SRP72: variants seen among roughly 807,000 people sequenced by gnomAD.
The protein encoded by SRP72 is signal recognition particle 72, also known as signal recognition particle subunit SRP72.
SRP72 carries 49 observed loss-of-function variants against 96.3 expected under a neutral mutation model. The ratio of observed to expected loss-of-function variants is 0.51; its 90% confidence interval spans 0.40 to 0.65. The LOEUF is 0.65. SRP72 is among the 30% of genes least tolerant of loss of function. The pLI, the probability that SRP72 is intolerant of heterozygous loss-of-function variation, is 0.00. For missense variants in SRP72, 736 were observed against 793.3 expected, an observed-to-expected ratio of 0.93 and a Z score of 0.87; for synonymous variants, 267 against 275.2, an observed-to-expected ratio of 0.97 and a Z score of 0.30.
At position 56,471,843 on chromosome 4, in the gene SRP72, G is replaced by T; in HGVS notation, c.354G>T (p.Val118=). 1 of 1,613,534 alleles carries T rather than the reference G, an allele frequency of 6.2e-7. No homozygotes were observed. The highest frequency in any genetic ancestry group is 2.2e-5 in the East Asian group (1 of 44,822). The change falls in exon 3 of 19, where the codon GTG becomes GTT. Residue 118 remains valine (V), a splice_region_variant and synonymous_variant. Transcript: ENST00000642900. ...AACTGAAGGAGCTTTATGGACAAGT[G>T]GTAATTACTGCTTTTAAATACATGT... The part of the protein sequence containing the change: ...TDKLKELYGQ[V]LYRLERYDEC...
chr4:56,485,190 ATC>A (rs1720657559), intron 10 of SRP72, among the ~76,000 whole-genome samples: 1 of 152,094 alleles, frequency 6.6e-6, no homozygotes, highest in African/African-American at 2.4e-5. Flanking sequence ...CAATAATCTG[ATC>A]TCCAGTGAGT....
Position 56,491,530 on chromosome 4 carries a change from TGGAAAA to T in SRP72, c.1604_1609del (p.Gly535_Lys536del). 6.2e-7 allele frequency: 1 copy of T among 1,613,936 alleles called. No homozygotes were observed. Among genetic ancestry groups the T allele is most frequent in the Non-Finnish European group, 8.5e-7 (1 of 1,179,898 alleles). ...GTGCTACATACATTCGGAAGAAGGGTGGAAAAGTTACTGGAGATAGTCAACCAAAGG... is the reference window on the plus strand; with the variant it reads ...GTGCTACATACATTCGGAAGAAGGGTGTTACTGGAGATAGTCAACCAAAGG... On this transcript the variant is annotated inframe_deletion, in exon 16 of 19. Transcript: ENST00000642900.
intron 13 of SRP72, among the ~76,000 whole-genome samples, 189 bp from the exon 14 acceptor site, chr4:56,490,144 C>T (rs991783683): frequency 3.3e-5 from 5 of 152,106 alleles, no homozygotes; most frequent in Non-Finnish European, 7.4e-5. Flanking sequence ...ATTACTTGTA[C>T]AATTAATAAT....
In SRP72 at chr4:56,502,112, G is replaced by GT; in HGVS notation, c.*253dup. 1 of 439,536 alleles carries GT rather than the reference G, an allele frequency of 2.3e-6. No individual in the cohort carries two copies. The highest frequency in any genetic ancestry group is 4.2e-6 in the Non-Finnish European group (1 of 236,040). The allele number at this position is 439,536 out of a possible 1,614,324, so 27.2% of individuals were successfully genotyped here. ...TGGGCATTTACCCATCTTGGTATCT[G>GT]TTGTATCCTTTATCTGTGTGTGCTG... On this transcript the variant is annotated 3_prime_UTR_variant, in exon 19 of 19. Coordinates refer to ENST00000642900, the MANE Select transcript of SRP72 (RefSeq NM_006947.4).
chr4:56,474,412 A>C lies in SRP72; in HGVS notation c.610+21A>C, dbSNP rs759175771. On this transcript the variant is annotated intron_variant, in intron 5 of 18. Coordinates refer to ENST00000642900, the MANE Select transcript of SRP72 (RefSeq NM_006947.4). ...TGAAGGTTGGAAGTTTGTTAAACTT[A>C]TCTGTAAATATAACGTGCATATAAC... 12 of 1,595,760 alleles carry C rather than the reference A, an allele frequency of 7.5e-6. No homozygotes were observed. The South Asian group carries it at 1.0e-4, about 13-fold the overall frequency.
intron 3 of SRP72, among the ~76,000 whole-genome samples, chr4:56,473,329 G>A (rs542528667): frequency 5.1e-4 from 78 of 152,038 alleles, no homozygotes; most frequent in African/African-American, 1.8e-3. Context: ...GTGTGGTGGC[G>A]GGCGCCTGGT....
At chr4:56,484,418 G>A (rs931223723) in intron 9 of SRP72, among the ~76,000 whole-genome samples, 1 of 152,026 alleles carries the variant, frequency 6.6e-6, no homozygotes, top group African/African-American at 2.4e-5. Context: ...GCATTTTGTT[G>A]TTTTTGAAGC....
At position 56,471,815 on chromosome 4, in the gene SRP72, A is replaced by G; in HGVS notation, c.326A>G (p.Asp109Gly). Residue 109 changes from aspartate (D) to glycine (G), a missense_variant, in exon 3 of 19, where the codon GAC becomes GGC. This residue lies in a region of SRP72 where 329 missense variants were observed against 319.0 expected (regional missense o/e 1.03). Transcript: ENST00000642900. ...KTIESANQQT[D>G]KLKELYGQVL... is the part of the protein sequence containing the mutation. ...ATAGAAAGTGCCAACCAGCAGACAGACAAACTGAAGGAGCTTTATGGACAA... is the reference window on the plus strand; with the variant it reads ...ATAGAAAGTGCCAACCAGCAGACAGGCAAACTGAAGGAGCTTTATGGACAA... 6.2e-7 allele frequency: 1 copy of G among 1,614,082 alleles called. No individual in the cohort carries two copies. The highest frequency in any genetic ancestry group is 8.5e-7 in the Non-Finnish European group (1 of 1,179,964).
At chr4:56,471,925 C>T (rs1460875681) in intron 3 of SRP72, 82 bp downstream of exon 3, 1 of 1,526,924 alleles carries the variant, frequency 6.5e-7, no homozygotes, top group East Asian at 2.3e-5. Context: ...GTTGAGGAAA[C>T]CCAGCCCATC....
chr4:56,488,923 C>G (rs975460059), intron 12 of SRP72: 5 of 152,870 alleles, frequency 3.3e-5, no homozygotes, highest in African/African-American at 9.6e-5. Context: ...TCCCCCTCCC[C>G]CTCCACTCCA....
At chr4:56,473,658 G>A (rs1181049838) in intron 3 of SRP72, among the ~76,000 whole-genome samples, 2 of 151,762 alleles carry the variant, frequency 1.3e-5, no homozygotes, top group East Asian at 1.9e-4. Flanking sequence ...TCAGCTACTC[G>A]GGAGGCTGAG....
intron 17 of SRP72, among the ~76,000 whole-genome samples, chr4:56,497,762 G>A (rs1248384447): frequency 6.6e-6 from 1 of 151,556 alleles, no homozygotes; most frequent in African/African-American, 2.4e-5. Context: ...ATTTCTAATG[G>A]TACTGCCAGA....
chr4:56,485,923 T>C (rs1390753846), intron 10 of SRP72, among the ~76,000 whole-genome samples: 1 of 152,204 alleles, frequency 6.6e-6, no homozygotes, highest in East Asian at 1.9e-4. Flanking sequence ...ATTTACATTG[T>C]ATTAGGTATT....
rs77703208 is a variant in SRP72 at position 56,500,959 on chromosome 4, C to CTG, written c.1838+265_1838+266insGT. Among the ~76,000 whole-genome samples, 19,750 of 151,674 alleles carry CTG rather than the reference C, an allele frequency of 0.13. 1,613 individuals carry two copies. Among genetic ancestry groups the CTG allele is most frequent in the East Asian group, 0.27 (1,397 of 5,166 alleles). On this transcript the variant is annotated intron_variant, in intron 18 of 18. Transcript: ENST00000642900. ...TATTGTGAAATATATATAGTAAAAA[C>CTG]TATTATAAAAACTAAAAGTCTCAAG...
rs1720864179 is a variant in SRP72 at position 56,490,356 on chromosome 4, C to T, written c.1344C>T (p.Ser448=). The part of the protein sequence containing the change: ...NHQPKSPAHL[S]LIREAANFKL... Reference sequence around the variant, plus strand: ...AGCCAAAATCTCCTGCTCATTTGTCCTTGATAAGAGAAGCTGCAAACTTCA... The same window carrying T: ...AGCCAAAATCTCCTGCTCATTTGTCTTTGATAAGAGAAGCTGCAAACTTCA... Residue 448 remains serine, a synonymous_variant, in exon 14 of 19, where the codon TCC becomes TCT. Coordinates refer to ENST00000642900, the MANE Select transcript of SRP72 (RefSeq NM_006947.4). 1 of 1,613,430 alleles carries T rather than the reference C, an allele frequency of 6.2e-7. No homozygotes were observed. Among genetic ancestry groups the T allele is most frequent in the Non-Finnish European group, 8.5e-7 (1 of 1,179,798 alleles).
chr4:56,489,434 G>A lies in SRP72; in HGVS notation c.1271G>A (p.Ser424Asn), dbSNP rs756242218. ...TMYSHEEDID[S>N]AIEVFTQAIQ... Reference sequence around the variant, plus strand: ...TATAGCCATGAAGAAGATATTGATAGTGCCATTGAGGTCTTCACACAAGCT... The same window carrying A: ...TATAGCCATGAAGAAGATATTGATAATGCCATTGAGGTCTTCACACAAGCT... Residue 424 changes from serine (S) to asparagine (N), a missense_variant, in exon 13 of 19, where the codon AGT (serine) becomes AAT (asparagine). Coordinates refer to ENST00000642900, the MANE Select transcript of SRP72 (RefSeq NM_006947.4). The A allele has an allele frequency of 4.4e-6, 7 of 1,602,766 alleles. No individual in the cohort carries two copies. Among genetic ancestry groups the A allele is most frequent in the Non-Finnish European group, 6.0e-6 (7 of 1,172,484 alleles).
intron 8 of SRP72, among the ~76,000 whole-genome samples, chr4:56,479,669 CAG>C (rs1453827147): frequency 6.6e-6 from 1 of 151,582 alleles, no homozygotes; most frequent in African/African-American, 2.4e-5. Flanking sequence ...TTTGTAGAGA[CAG>C]AGTCTTGCCA....
At chr4:56,491,378 A>G in intron 15 of SRP72, 53 bp from the exon 16 acceptor site, 2 of 1,592,100 alleles carry the variant, frequency 1.3e-6, no homozygotes, top group Admixed American at 1.7e-5. Context: ...ATATATCTAT[A>G]TAAATGTGTG....
rs1228032846 is a variant in SRP72, at chr4:56,502,494, TAC to T, written c.*635_*636del. The stretch of plus-strand genomic sequence containing the variant: ...ATATATATATATATGTATATATATA[TAC>T]ATATATATATATATATAAACATGAA... On this transcript the variant is annotated 3_prime_UTR_variant, in exon 19 of 19. Coordinates refer to ENST00000642900, the MANE Select transcript of SRP72 (RefSeq NM_006947.4). The T allele has an allele frequency of 4.3e-5, 4 of 92,342 alleles. No individual in the cohort carries two copies. Among genetic ancestry groups the T allele is most frequent in the East Asian group, 1.1e-3 (2 of 1,884 alleles). 5.7% of individuals were successfully genotyped at this position (92,342 alleles called of 1,614,324 possible).
Sources: allele counts gnomAD v4.1 joint callset (sites outside exome capture counted in the v4.1 genomes callset), GRCh38; gene constraint gnomAD v4.1.1; regional missense constraint gnomAD v4.1.1; transcripts MANE v1.5; gene names NCBI Gene and HGNC (gene_info 2026-07-23, HGNC 2026-07-21).